Variants in TRIO observed in about 807,000 individuals in gnomAD.
TRIO encodes the protein trio Rho guanine nucleotide exchange factor.
In TRIO, 58 loss-of-function variants were observed where a neutral mutation model predicts 351.9. The ratio of observed to expected loss-of-function variants is 0.16; its 90% CI spans 0.13 to 0.21. The LOEUF is 0.21. Ranked by LOEUF, TRIO falls within the 10% of genes least tolerant of loss-of-function variation. TRIO has a pLI of 1.00. For missense variants in TRIO, 3,201 were observed against 4,027.8 expected (o/e 0.79, Z 5.56); for synonymous variants, 1,758 against 1,595.7 (o/e 1.10, Z -2.42).
chr5:14,144,848 C>G (rs949827646), intron 1 of TRIO, among the ~76,000 whole-genome samples: 3 of 151,942 alleles, frequency 2.0e-5, no homozygotes, highest in African/African-American at 7.2e-5. Flanking sequence ...GTCCCGCGTC[C>G]CCGCGCCCAG....
intron 37 of TRIO, among the ~76,000 whole-genome samples, chr5:14,469,234 A>G (rs2126540038): frequency 1.3e-5 from 2 of 152,364 alleles, no homozygotes; most frequent in Middle Eastern, 6.8e-3. Context: ...GTAGCATAAT[A>G]AAACCAAAAA....
intron 21 of TRIO, among the ~76,000 whole-genome samples, chr5:14,384,764 A>G (rs1327061219): frequency 6.6e-6 from 1 of 152,226 alleles, no homozygotes; most frequent in Non-Finnish European, 1.5e-5. Flanking sequence ...AGAAAAGGTT[A>G]ATAAATTCAC....
chr5:14,249,590 G>A (rs1205716119), intron 1 of TRIO, among the ~76,000 whole-genome samples: 1 of 152,196 alleles, frequency 6.6e-6, no homozygotes, highest in African/African-American at 2.4e-5. Context: ...CTTGTTGGAT[G>A]GTGAGATGGA....
At chr5:14,473,670 C>G (rs567774440) in intron 39 of TRIO, among the ~76,000 whole-genome samples, 1 of 152,312 alleles carries the variant, frequency 6.6e-6, no homozygotes, top group East Asian at 1.9e-4. Flanking sequence ...AGATATGATT[C>G]TGACCAAATA....
intron 1 of TRIO, among the ~76,000 whole-genome samples, chr5:14,252,389 C>T (rs944718547): frequency 6.6e-6 from 1 of 152,180 alleles, no homozygotes; most frequent in East Asian, 1.9e-4. Context: ...TGCTCAACCA[C>T]GTTTACTGTT....
chr5:14,425,825 A>G (rs576533197), intron 34 of TRIO, among the ~76,000 whole-genome samples: 2 of 152,302 alleles, frequency 1.3e-5, no homozygotes, highest in Non-Finnish European at 2.9e-5. Flanking sequence ...CTCTTTAAAT[A>G]CTAACTCTGC....
At chr5:14,427,942 G>A (rs1026672681) in intron 34 of TRIO, among the ~76,000 whole-genome samples, 2 of 152,172 alleles carry the variant, frequency 1.3e-5, no homozygotes, top group South Asian at 4.2e-4. Flanking sequence ...CAGCTTTGCA[G>A]AGACCAAGGT....
chr5:14,405,059 G>T (rs79793905), intron 31 of TRIO, among the ~76,000 whole-genome samples: 1 of 107,294 alleles, frequency 9.3e-6, no homozygotes, highest in African/African-American at 3.4e-5. Flanking sequence ...CATGCAGAAA[G>T]AAAAAAAAAA....
At chr5:14,366,783 C>G (rs1329558763) in intron 15 of TRIO, 77 bp from the exon 16 acceptor site, 5 of 1,598,178 alleles carry the variant, frequency 3.1e-6, no homozygotes, top group South Asian at 2.3e-5. Context: ...ATCTTGCACG[C>G]TTGTATCTCA....
intron 1 of TRIO, among the ~76,000 whole-genome samples, chr5:14,254,187 C>A (rs1794899834): frequency 6.6e-6 from 1 of 151,796 alleles, no homozygotes; most frequent in Non-Finnish European, 1.5e-5. Context: ...TAGTTCTCCC[C>A]CCCTCCCCCC....
chr5:14,340,863 T>G (rs1438915149), intron 11 of TRIO, among the ~76,000 whole-genome samples: 1 of 152,168 alleles, frequency 6.6e-6, no homozygotes, highest in Non-Finnish European at 1.5e-5. Context: ...GGACAAATAT[T>G]TTCTACCTCG....
At chr5:14,260,841 CT>C (rs1795301532) in intron 1 of TRIO, among the ~76,000 whole-genome samples, 1 of 152,116 alleles carries the variant, frequency 6.6e-6, no homozygotes, top group Non-Finnish European at 1.5e-5. Context: ...TTACAGGTCA[CT>C]CAGATTAATT....
intron 1 of TRIO, among the ~76,000 whole-genome samples, chr5:14,269,701 G>A (rs563309370): frequency 6.6e-6 from 1 of 151,534 alleles, no homozygotes; most frequent in African/African-American, 2.4e-5. Context: ...AGCAGGGCTT[G>A]CCCGGGAGTT....
chr5:14,494,101 A>C (rs1756698504), intron 49 of TRIO, among the ~76,000 whole-genome samples: 1 of 152,234 alleles, frequency 6.6e-6, no homozygotes, highest in Non-Finnish European at 1.5e-5. Context: ...TGGTGGCTTT[A>C]AGTTGAACCC....
At chr5:14,294,255 TTTAA>T (rs1479568165) in intron 6 of TRIO, among the ~76,000 whole-genome samples, 1 of 152,190 alleles carries the variant, frequency 6.6e-6, no homozygotes, top group Non-Finnish European at 1.5e-5. Flanking sequence ...AAAGATGCCA[TTTAA>T]TTAAAATACA....
chr5:14,223,425 C>G (rs1002372345), intron 1 of TRIO, among the ~76,000 whole-genome samples: 2 of 152,306 alleles, frequency 1.3e-5, no homozygotes, highest in Middle Eastern at 3.4e-3. Flanking sequence ...GGAGCAGGCT[C>G]TCCTTCCCCA....
chr5:14,410,543 C>G (rs561590919), intron 33 of TRIO, among the ~76,000 whole-genome samples: 2 of 152,208 alleles, frequency 1.3e-5, no homozygotes, highest in African/African-American at 4.8e-5. Context: ...CCTCTGATAA[C>G]GCAGGCAGAT....
At chr5:14,390,110 T>G (rs748997331) in intron 25 of TRIO, 121 bp from the exon 26 acceptor site, 19 of 820,092 alleles carry the variant, frequency 2.3e-5, no homozygotes, top group Non-Finnish European at 3.5e-5. Flanking sequence ...CTTACCCTAG[T>G]TAAGAGCTAC....
At chr5:14,359,664 G>A in intron 13 of TRIO, 133 bp downstream of exon 13, 1 of 1,127,092 alleles carries the variant, frequency 8.9e-7, no homozygotes, top group Non-Finnish European at 1.2e-6. Flanking sequence ...GCACCAGGAG[G>A]GGGTGTGGGA....
Sources: gnomAD v4.1 joint callset for allele counts (sites outside exome capture counted in the v4.1 genomes callset) on GRCh38, gnomAD v4.1.1 for gene constraint, MANE v1.5 for transcripts, NCBI Gene and HGNC (gene_info 2026-07-23, HGNC 2026-07-21) for gene names.